Variants in CWH43 observed in about 807,000 individuals in gnomAD.
The protein encoded by CWH43 is cell wall biogenesis 43 C-terminal homolog, also known as PGAP2-interacting protein.
Under a neutral mutation model 85.7 loss-of-function variants are expected in CWH43, and 91 were observed. That is an observed-to-expected ratio of 1.06 (90% CI 0.90 to 1.26). The LOEUF (loss-of-function observed/expected upper bound fraction) is 1.26. CWH43 is among the 50% of genes most tolerant of loss of function. The pLI is 0.00. For missense variants in CWH43, 869 were observed against 839.2 expected (o/e 1.04, Z -0.44); for synonymous variants, 323 against 293.6 (o/e 1.10, Z -1.02).
intron 13 of CWH43, among the ~76,000 whole-genome samples, chr4:49,044,030 T>A (rs1320951343): frequency 6.6e-6 from 1 of 152,160 alleles, no homozygotes. Flanking sequence ...TAAATGTTAA[T>A]AGTAAAATTC....
chr4:49,032,648 A>G lies in CWH43; in HGVS notation c.1591A>G (p.Ile531Val), dbSNP rs759344452. The stretch of plus-strand genomic sequence containing the variant: ...ACCAGAGGGCGAGATCGCACCAGCC[A>G]TCACATTGACCGTTAACATTTCGGG... ...PSPEGEIAPA[I>V]TLTVNISGKL... The change falls in exon 12 of 16, where the codon ATC (isoleucine) becomes GTC (valine). Residue 531 changes from isoleucine to valine, a missense_variant. Transcript: ENST00000226432. 8 of 1,614,050 alleles carry G rather than the reference A, an allele frequency of 5.0e-6. No individual in the cohort carries two copies. The highest frequency in any genetic ancestry group is 6.8e-6 in the Non-Finnish European group (8 of 1,179,930).
chr4:49,009,828 A>C (rs1783295000), intron 8 of CWH43, among the ~76,000 whole-genome samples: 1 of 151,166 alleles, frequency 6.6e-6, no homozygotes, highest in South Asian at 2.1e-4. Context: ...GATGAAGCTA[A>C]CTTGATCTTG....
At position 49,028,548 on chromosome 4, in the gene CWH43, A is replaced by G. The variant is rs1344911257; in HGVS notation, c.1267-81A>G. 3 of 815,502 alleles carry G rather than the reference A, an allele frequency of 3.7e-6. No individual in the cohort carries two copies. The Admixed American group carries it at 7.2e-5, about 20-fold the overall frequency. 50.5% of individuals were successfully genotyped at this position (815,502 alleles called of 1,614,324 possible). A position where few individuals can be genotyped will look rare whatever the true frequency, so the allele number is the denominator to read the frequency against. Reference sequence around the variant, plus strand: ...CCTTTGCTGAAATAAGAAATTTGGTAGAGAGGAGTGGAGAAAAGTGGGTCA... The same window carrying G: ...CCTTTGCTGAAATAAGAAATTTGGTGGAGAGGAGTGGAGAAAAGTGGGTCA... On this transcript the variant is annotated intron_variant, in intron 9 of 15. Transcript: ENST00000226432.
intron 14 of CWH43, among the ~76,000 whole-genome samples, chr4:49,046,756 A>G (rs189744738): frequency 6.6e-6 from 1 of 152,304 alleles, no homozygotes; most frequent in East Asian, 1.9e-4. Context: ...TCGCTGGAGT[A>G]GAGTGAGAGA....
At chr4:49,002,467 T>G (rs2109758957) in intron 6 of CWH43, among the ~76,000 whole-genome samples, 1 of 152,306 alleles carries the variant, frequency 6.6e-6, no homozygotes, top group East Asian at 1.9e-4. Flanking sequence ...ACAATTCCAT[T>G]TATGTAAAAA....
chr4:48,998,682 A>G (rs1782894933), intron 6 of CWH43, 134 bp downstream of exon 6: 14 of 683,940 alleles, frequency 2.0e-5, no homozygotes, highest in South Asian at 1.7e-5. Flanking sequence ...TGTTGTAAAC[A>G]GCAACTATAA....
intron 6 of CWH43, among the ~76,000 whole-genome samples, chr4:49,002,786 C>G (rs1009925256): frequency 9.9e-5 from 15 of 152,146 alleles, no homozygotes; most frequent in Admixed American, 9.8e-4. Context: ...TGGCATTGCC[C>G]TGTGATGGTG....
rs1784139750 is a variant in CWH43 at position 49,032,732 on chromosome 4, C to T, written c.1658+17C>T. On this transcript the variant is annotated intron_variant, in intron 12 of 15. Coordinates refer to ENST00000226432, the MANE Select transcript of CWH43 (RefSeq NM_025087.3). ...GAACCACGAGTGGGTTTCTTTGGCC[C>T]ACCTAATATTACACAAATGCCAAGA... The T allele has an allele frequency of 6.2e-6, 10 of 1,613,142 alleles. No homozygotes were observed. Among genetic ancestry groups the T allele is most frequent in the Non-Finnish European group, 8.5e-6 (10 of 1,179,144 alleles).
At chr4:49,045,955 T>A (rs765177243) in intron 14 of CWH43, among the ~76,000 whole-genome samples, 2 of 152,140 alleles carry the variant, frequency 1.3e-5, no homozygotes, top group Non-Finnish European at 2.9e-5. Flanking sequence ...TAAGAACTTA[T>A]TCCTCCTAAC....
chr4:49,011,672 GC>G (rs1476251915), intron 8 of CWH43, among the ~76,000 whole-genome samples: 1 of 152,142 alleles, frequency 6.6e-6, no homozygotes, highest in Non-Finnish European at 1.5e-5. Flanking sequence ...TTTAGGGCAG[GC>G]CTGGTGGTGG....
chr4:49,047,937 C>A (rs1784678122), intron 14 of CWH43, among the ~76,000 whole-genome samples: 1 of 152,096 alleles, frequency 6.6e-6, no homozygotes, highest in South Asian at 2.1e-4. Flanking sequence ...GCATCACATG[C>A]CCAAATAGCT....
chr4:49,057,724 T>G (rs1235381239), intron 15 of CWH43, among the ~76,000 whole-genome samples: 3 of 152,222 alleles, frequency 2.0e-5, no homozygotes, highest in Non-Finnish European at 2.9e-5. Flanking sequence ...TGGAGTCCCC[T>G]ACTACTATTG....
intron 12 of CWH43, among the ~76,000 whole-genome samples, chr4:49,034,335 G>C (rs1168614751): frequency 6.6e-6 from 1 of 152,064 alleles, no homozygotes; most frequent in East Asian, 1.9e-4. Context: ...CTCAACCTAA[G>C]AAACAGTTTA....
intron 14 of CWH43, among the ~76,000 whole-genome samples, chr4:49,046,181 A>G (rs1459818100): frequency 6.6e-6 from 1 of 152,208 alleles, no homozygotes; most frequent in Non-Finnish European, 1.5e-5. Flanking sequence ...GTATACATAC[A>G]TATGTGATCC....
chr4:49,015,281 C>T lies in CWH43; in HGVS notation c.1187-1968C>T, dbSNP rs1038441403. Reference sequence around the variant, plus strand: ...ATTAGGGTTTTTTTTTTCCCTTATGCCCCTCCTCCCCACTCCTCTTTCTAG... The same window carrying T: ...ATTAGGGTTTTTTTTTTCCCTTATGTCCCTCCTCCCCACTCCTCTTTCTAG... On this transcript the variant is annotated intron_variant, in intron 8 of 15. Coordinates refer to ENST00000226432, the MANE Select transcript of CWH43 (RefSeq NM_025087.3). Among the ~76,000 whole-genome samples, 5 of 149,540 alleles carry T rather than the reference C, an allele frequency of 3.3e-5. 1 individual carries two copies. In the South Asian group the frequency reaches 6.4e-4, roughly 19 times the overall value.
intron 8 of CWH43, among the ~76,000 whole-genome samples, chr4:49,008,563 G>C (rs1577667594): frequency 6.6e-6 from 1 of 152,128 alleles, no homozygotes; most frequent in Non-Finnish European, 1.5e-5. Context: ...CCTATGTCCT[G>C]AATGGTATTG....
intron 14 of CWH43, among the ~76,000 whole-genome samples, chr4:49,046,424 C>A (rs564954686): frequency 8.6e-5 from 13 of 152,020 alleles, no homozygotes; most frequent in African/African-American, 2.9e-4. Flanking sequence ...AAAACAAAAT[C>A]CTTGACTGTG....
intron 4 of CWH43, among the ~76,000 whole-genome samples, chr4:48,993,076 A>G (rs536769363): frequency 3.3e-5 from 5 of 152,196 alleles, no homozygotes; most frequent in African/African-American, 1.2e-4. Flanking sequence ...CTTTTCTTCT[A>G]TCTGGCCTCT....
chr4:49,022,643 G>A (rs866503328), intron 9 of CWH43, among the ~76,000 whole-genome samples: 1 of 152,128 alleles, frequency 6.6e-6, no homozygotes. Flanking sequence ...TTCTTTGAAT[G>A]TCTGATAGAA....
Sources: gnomAD v4.1 joint callset for allele counts (sites outside exome capture counted in the v4.1 genomes callset) on GRCh38, gnomAD v4.1.1 for gene constraint, MANE v1.5 for transcripts, NCBI Gene and HGNC (gene_info 2026-07-23, HGNC 2026-07-21) for gene names.